The following ABCC9 variants were observed in gnomAD, a reference collection of about 807,000 sequenced individuals.
ABCC9 encodes the protein ATP binding cassette subfamily C member 9.
In ABCC9, 95 loss-of-function variants were observed where a neutral mutation model predicts 188.3. That is an observed-to-expected ratio of 0.50 (90% CI 0.43 to 0.60). The LOEUF is 0.60. Among genes scored for constraint, ABCC9 ranks in the 20% least tolerant of loss-of-function variants. The pLI is 0.00. For missense variants in ABCC9, 1,102 were observed against 1,876.3 expected, an observed-to-expected ratio of 0.59 and a Z score of 7.62; for synonymous variants, 659 against 652.7, an observed-to-expected ratio of 1.01 and a Z score of -0.15.
At chr12:21,875,328 GAAAAT>G in intron 17 of ABCC9, among the ~76,000 whole-genome samples, 1 of 152,208 alleles carries the variant, frequency 6.6e-6, no homozygotes, top group African/African-American at 2.4e-5. Context: ...CTCGCAAACA[GAAAAT>G]AAGTTTCTCA....
At chr12:21,825,281 T>G (rs574775740) in intron 31 of ABCC9, among the ~76,000 whole-genome samples, 104 of 152,290 alleles carry the variant, frequency 6.8e-4, no homozygotes, top group Middle Eastern at 3.4e-3. Context: ...GACCCAGCAA[T>G]CCCATTACTG....
chr12:21,807,606 G>T, intron 37 of ABCC9, 127 bp from the exon 38 acceptor site: 1 of 1,289,690 alleles, frequency 7.8e-7, no homozygotes, highest in Non-Finnish European at 1.1e-6. Context: ...CTGGTGCAAG[G>T]ACTTCATACT....
intron 5 of ABCC9, chr12:21,925,134 C>T (rs1948997464): frequency 5.7e-6 from 1 of 174,270 alleles, no homozygotes; most frequent in South Asian, 2.0e-4. Context: ...ATAATTCGAA[C>T]TACAATTTCA....
chr12:21,854,764 G>A (rs1945139111), intron 22 of ABCC9, among the ~76,000 whole-genome samples: 2 of 151,984 alleles, frequency 1.3e-5, no homozygotes, highest in Non-Finnish European at 2.9e-5. Context: ...TTTGATAACT[G>A]GTAGAGAATT....
chr12:21,805,343 G>T (rs746440506), intron 39 of ABCC9: 17 of 1,604,000 alleles, frequency 1.1e-5, no homozygotes, highest in Non-Finnish European at 1.3e-5. Flanking sequence ...AAGAGAATCA[G>T]CAGAAGGAAA....
chr12:21,906,972 C>T (rs1330495072), intron 11 of ABCC9, among the ~76,000 whole-genome samples: 1 of 152,024 alleles, frequency 6.6e-6, no homozygotes, highest in Non-Finnish European at 1.5e-5. Context: ...CACCACATGT[C>T]ATACTAGAAT....
chr12:21,892,357 A>G (rs1446745276), intron 14 of ABCC9, among the ~76,000 whole-genome samples: 1 of 152,148 alleles, frequency 6.6e-6, no homozygotes, highest in Non-Finnish European at 1.5e-5. Flanking sequence ...CTGCTTTTCT[A>G]TCTCCACTTG....
chr12:21,928,389 GAGGA>G (rs893621068), intron 4 of ABCC9, among the ~76,000 whole-genome samples: 10 of 143,200 alleles, frequency 7.0e-5, no homozygotes, highest in Non-Finnish European at 1.1e-4. Context: ...AGAAAGAAAA[GAGGA>G]AGGGAGGGAG....
Position 21,838,137 on chromosome 12 carries a change from G to A in ABCC9, c.3507C>T (p.Leu1169=), listed in dbSNP as rs752807533. Residue 1169 remains leucine, a synonymous_variant, in exon 30 of 40, where the codon CTC becomes CTT. Coordinates refer to ENST00000261200, the MANE Select transcript of ABCC9 (RefSeq NM_020297.4). ...TTTCTGAGAAGTGACAGAGCAGAGG[G>A]AGCTGGGTACTATCGTCAAGTTCCT... is the stretch of plus-strand genomic sequence containing the variant. ...DLQELDDSTQ[L]PLLCHFSETA... 6.2e-7 allele frequency: 1 copy of A among 1,614,162 alleles called. No homozygotes were observed. The highest frequency in any genetic ancestry group is 8.5e-7 in the Non-Finnish European group (1 of 1,180,000).
chr12:21,868,115 T>C (rs564181408), intron 18 of ABCC9, among the ~76,000 whole-genome samples: 70 of 152,180 alleles, frequency 4.6e-4, no homozygotes, highest in Non-Finnish European at 6.2e-4. Flanking sequence ...TCCTCTCTCC[T>C]CTCTCTCATC....
At chr12:21,807,750 TTTAA>T (rs1941956289) in intron 37 of ABCC9, among the ~76,000 whole-genome samples, 2 of 152,212 alleles carry the variant, frequency 1.3e-5, no homozygotes, top group Non-Finnish European at 2.9e-5. Flanking sequence ...TTGGAAATTA[TTTAA>T]TTATTTAATA....
At chr12:21,845,524 A>G in intron 26 of ABCC9, 79 bp downstream of exon 26, 1 of 1,119,166 alleles carries the variant, frequency 8.9e-7, no homozygotes, top group South Asian at 1.3e-5. Flanking sequence ...GGATATAAGC[A>G]TCTAACTAGA....
At chr12:21,845,547 A>G (rs972933817) in intron 26 of ABCC9, 56 bp downstream of exon 26, 2 of 1,364,568 alleles carry the variant, frequency 1.5e-6, no homozygotes, top group Non-Finnish European at 2.1e-6. Context: ...AGAAGGTATC[A>G]CTGTTAATCT....
At chr12:21,849,604 CAAAT>C (rs957364127) in intron 24 of ABCC9, among the ~76,000 whole-genome samples, 1 of 151,946 alleles carries the variant, frequency 6.6e-6, no homozygotes, top group African/African-American at 2.4e-5. Context: ...CTTAAAAAAA[CAAAT>C]AAACAAACAA....
At chr12:21,919,860 C>T (rs1157558023) in intron 5 of ABCC9, among the ~76,000 whole-genome samples, 1 of 151,906 alleles carries the variant, frequency 6.6e-6, no homozygotes, top group Non-Finnish European at 1.5e-5. Context: ...TGTAAAAAGC[C>T]TTAACAAATG....
rs368279608 is a variant in ABCC9 at position 21,882,843 on chromosome 12, C to G, written c.1942G>C (p.Gly648Arg). ...QPKTINRKQP[G>R]RYHLDSYEQS... is the part of the protein sequence containing the mutation. ...TCATAGCTGTCCAGGTGATATCTTCCAGGCTGTTTCCTGTTTATAGTTTTT... is the reference window on the plus strand; with the variant it reads ...TCATAGCTGTCCAGGTGATATCTTCGAGGCTGTTTCCTGTTTATAGTTTTT... Residue 648 changes from glycine (G) to arginine (R), a missense_variant, in exon 16 of 40, where the codon GGA (glycine) becomes CGA (arginine). Gly to Arg is a moderately radical substitution (Grantham distance 125). Around this residue, in one of 12 missense-constraint regions of ABCC9, gnomAD observed 258 missense variants for 325.6 expected, o/e 0.79. Transcript: ENST00000261200. 3 of 1,613,994 alleles carry G rather than the reference C, an allele frequency of 1.9e-6. No homozygotes were observed. The Admixed American group carries it at 5.0e-5, about 27-fold the overall frequency.
rs1946305863 is a variant in ABCC9 at position 21,875,684 on chromosome 12, A to G, written c.2062T>C (p.Leu688=). 1.2e-6 allele frequency: 2 copies of G among 1,612,834 alleles called. No individual in the cohort carries two copies. Among genetic ancestry groups the G allele is most frequent in the African/African-American group, 2.7e-5 (2 of 74,918 alleles). The part of the protein sequence containing the change: ...YFSWGSGLAT[L]SNIDIRIPTG... ...GGAATTCGAATATCTATATTGGATA[A>G]TGTAGCTAAACCACTGCCCCATGAA... Residue 688 remains leucine, a synonymous_variant, in exon 17 of 40, where the codon TTA becomes CTA. Coordinates refer to ENST00000261200, the MANE Select transcript of ABCC9 (RefSeq NM_020297.4).
chr12:21,916,715 A>T (rs1948615275), intron 6 of ABCC9, among the ~76,000 whole-genome samples: 2 of 152,348 alleles, frequency 1.3e-5, no homozygotes, highest in Admixed American at 6.5e-5. Context: ...CAAGCATTTG[A>T]TCAATCAATA....
chr12:21,833,012 T>C (rs1038359736), intron 30 of ABCC9, among the ~76,000 whole-genome samples: 11 of 152,200 alleles, frequency 7.2e-5, no homozygotes, highest in African/African-American at 2.7e-4. Flanking sequence ...CTAAGAGAAG[T>C]AACTCAAGAA....
Sources: allele counts gnomAD v4.1 joint callset (sites outside exome capture counted in the v4.1 genomes callset), GRCh38; gene constraint gnomAD v4.1.1; regional missense constraint gnomAD v4.1.1; transcripts MANE v1.5; gene names NCBI Gene and HGNC (gene_info 2026-07-23, HGNC 2026-07-21).